The following GRIK3 variants were observed in gnomAD, a reference collection of about 807,000 sequenced individuals.
GRIK3 encodes the protein glutamate ionotropic receptor kainate type subunit 3, also known as glutamate receptor ionotropic, kainate 3.
In GRIK3, 29 loss-of-function variants were observed where a neutral mutation model predicts 102.5. That is an observed-to-expected ratio of 0.28 (90% CI 0.21 to 0.39). The LOEUF (loss-of-function observed/expected upper bound fraction) is 0.39. Ranked by LOEUF, GRIK3 falls within the 10% of genes least tolerant of loss-of-function variation. The probability of loss-of-function intolerance (pLI) is 1.00; values close to 1 mark genes in which losing one functional copy is unlikely to be tolerated. For missense variants in GRIK3, 908 were observed against 1,252.4 expected, an observed-to-expected ratio of 0.73 and a Z score of 4.15; for synonymous variants, 511 against 504.9, an observed-to-expected ratio of 1.01 and a Z score of -0.16.
chr1:36,966,611 T>A (rs1178198798), intron 1 of GRIK3, among the ~76,000 whole-genome samples: 5 of 152,150 alleles, frequency 3.3e-5, no homozygotes, highest in Non-Finnish European at 5.9e-5. Flanking sequence ...CTAATCTTTG[T>A]GGATCCATGT....
chr1:36,965,171 G>A (rs777891632), intron 1 of GRIK3, among the ~76,000 whole-genome samples: 7 of 152,090 alleles, frequency 4.6e-5, no homozygotes, highest in African/African-American at 9.7e-5. Flanking sequence ...CTATTTCCTC[G>A]CCTGTCAAAT....
At chr1:36,884,311 C>T (rs1306318623) in intron 2 of GRIK3, among the ~76,000 whole-genome samples, 3 of 152,180 alleles carry the variant, frequency 2.0e-5, no homozygotes, top group Non-Finnish European at 4.4e-5. Context: ...AAAACAGGAA[C>T]TCTGGGTTTG....
At chr1:36,961,003 T>G (rs958955609) in intron 1 of GRIK3, among the ~76,000 whole-genome samples, 1 of 152,210 alleles carries the variant, frequency 6.6e-6, no homozygotes, top group Non-Finnish European at 1.5e-5. Flanking sequence ...CAGTGGTCAT[T>G]CCACTGCTAA....
At chr1:36,818,100 A>G (rs1409445126) in intron 12 of GRIK3, among the ~76,000 whole-genome samples, 1 of 152,144 alleles carries the variant, frequency 6.6e-6, no homozygotes, top group Non-Finnish European at 1.5e-5. Context: ...CAATCTGAAA[A>G]CCGTCTGCTT....
chr1:36,855,845 T>C (rs1353932651), intron 7 of GRIK3, among the ~76,000 whole-genome samples: 1 of 152,228 alleles, frequency 6.6e-6, no homozygotes, highest in African/African-American at 2.4e-5. Flanking sequence ...CATGAGCGCA[T>C]TCAGTCCTCA....
At chr1:36,823,200 G>A (rs1311422843) in intron 11 of GRIK3, among the ~76,000 whole-genome samples, 2 of 152,156 alleles carry the variant, frequency 1.3e-5, no homozygotes, top group South Asian at 2.1e-4. Flanking sequence ...ACGGCCAGGC[G>A]TGATGGCTCA....
chr1:36,872,292 C>A lies in GRIK3; in HGVS notation c.628G>T (p.Asp210Tyr), dbSNP rs748771491. ...IRLKIRQLPI[D>Y]SDDSRPLLKE... Reference sequence around the variant, plus strand: ...AGCAAGGGGCGCGAGTCGTCAGAGTCGATGGGGAGCTGACGGATCTTCAGG... The same window carrying A: ...AGCAAGGGGCGCGAGTCGTCAGAGTAGATGGGGAGCTGACGGATCTTCAGG... Residue 210 changes from aspartate to tyrosine, a missense_variant, in exon 4 of 16, where the codon GAC (aspartate) becomes TAC (tyrosine). Asp to Tyr is a radical substitution (Grantham distance 160). Transcript: ENST00000373091. This position sits in a 1 kb window ranked among gnomAD's most constrained non-coding sequence, Gnocchi z 5.9. The A allele has an allele frequency of 6.2e-7, 1 of 1,612,974 alleles. No homozygotes were observed. Among genetic ancestry groups the A allele is most frequent in the East Asian group, 2.2e-5 (1 of 44,798 alleles).
At chr1:37,011,474 C>A (rs1269439721) in intron 1 of GRIK3, among the ~76,000 whole-genome samples, 1 of 152,160 alleles carries the variant, frequency 6.6e-6, no homozygotes, top group Non-Finnish European at 1.5e-5. Context: ...AAATGCTTTT[C>A]TAGTCATTTT....
At chr1:36,861,148 C>T (rs1640719455) in intron 5 of GRIK3, among the ~76,000 whole-genome samples, 1 of 152,232 alleles carries the variant, frequency 6.6e-6, no homozygotes, top group Admixed American at 6.5e-5. Context: ...TCCTCAAATG[C>T]TCCTTGAGTC....
chr1:36,867,827 C>T (rs1640802405), intron 5 of GRIK3, among the ~76,000 whole-genome samples: 2 of 152,170 alleles, frequency 1.3e-5, no homozygotes, highest in Non-Finnish European at 2.9e-5. Flanking sequence ...TGCTCCAAGT[C>T]CCAGCCGTAA....
intron 1 of GRIK3, among the ~76,000 whole-genome samples, chr1:37,030,445 A>T (rs821254): frequency 0.076 from 11,548 of 150,972 alleles, 619 homozygotes; most frequent in South Asian, 0.2. Context: ...GGGCCCCTGT[A>T]TATTCAGGAA....
At chr1:36,941,729 C>T (rs1364028678) in intron 1 of GRIK3, among the ~76,000 whole-genome samples, 2 of 152,214 alleles carry the variant, frequency 1.3e-5, no homozygotes, top group African/African-American at 2.4e-5. Context: ...TTCACAACTG[C>T]CCTGCAAAAT....
chr1:36,832,405 CG>C lies in GRIK3; in HGVS notation c.1531-6580del, dbSNP rs531744870. 3.6e-4 allele frequency among the ~76,000 whole-genome samples: 55 copies of C among 152,314 alleles called. No homozygotes were observed. The South Asian group carries it at 0.011, about 30-fold the overall frequency. On this transcript the variant is annotated intron_variant, in intron 10 of 15. Transcript: ENST00000373091. ...ACAAGAGGATAAAGCAAGTCACAGACGGTGTCTGCTGCTGAGCCACAGCCTC... is the reference window on the plus strand; with the variant it reads ...ACAAGAGGATAAAGCAAGTCACAGACGTGTCTGCTGCTGAGCCACAGCCTC...
chr1:36,905,906 T>C (rs1427665514), intron 1 of GRIK3, among the ~76,000 whole-genome samples: 1 of 152,174 alleles, frequency 6.6e-6, no homozygotes, highest in Admixed American at 6.5e-5. Flanking sequence ...GCCATCTCCA[T>C]AGGGCTTCAC....
chr1:37,016,478 T>C (rs1642653886), intron 1 of GRIK3, among the ~76,000 whole-genome samples: 1 of 152,196 alleles, frequency 6.6e-6, no homozygotes, highest in African/African-American at 2.4e-5. Context: ...TCTTTGCCCA[T>C]GTGGTAGGTC....
rs764983669 is a variant in GRIK3 at position 36,801,842 on chromosome 1, C to T, written c.*9G>A. The T allele has an allele frequency of 6.3e-7, 1 of 1,589,622 alleles. No homozygotes were observed. The highest frequency in any genetic ancestry group is 1.3e-5 in the African/African-American group (1 of 74,652). ...GCCCCCAGGCCTGAGGTCCCCACCC[C>T]AGCTGTGCCTAGGGGAACACAGGGG... On this transcript the variant is annotated 3_prime_UTR_variant, in exon 16 of 16. Transcript: ENST00000373091.
Position 36,962,943 on chromosome 1 carries a change from GA to G in GRIK3, c.115+71050del, listed in dbSNP as rs757938967. On this transcript the variant is annotated intron_variant, in intron 1 of 15. Coordinates refer to ENST00000373091, the MANE Select transcript of GRIK3 (RefSeq NM_000831.4). ...AGAGAAAAATCTAGAGGGACATGATGAGGAGAGAGATGACCTGGGGTGGGTA... is the reference window on the plus strand; with the variant it reads ...AGAGAAAAATCTAGAGGGACATGATGGGAGAGAGATGACCTGGGGTGGGTA... Among the ~76,000 whole-genome samples the G allele has an allele frequency of 4.6e-5, 7 of 151,742 alleles. No homozygotes were observed. In the East Asian group the frequency reaches 9.7e-4, roughly 21 times the overall value.
chr1:37,030,526 CT>C (rs775081839), intron 1 of GRIK3, among the ~76,000 whole-genome samples: 7,216 of 131,052 alleles, frequency 0.055, 250 homozygotes, highest in South Asian at 0.11. Flanking sequence ...CCAACCCTTC[CT>C]TTTCCCCACC....
chr1:36,859,071 G>A (rs773155518), intron 7 of GRIK3, 37 bp downstream of exon 7: 35 of 1,542,288 alleles, frequency 2.3e-5, no homozygotes, highest in Middle Eastern at 3.4e-4. Flanking sequence ...CCACAGTCCC[G>A]GGGAGACAAC....
Sources: gnomAD v4.1 joint callset for allele counts (sites outside exome capture counted in the v4.1 genomes callset) on GRCh38, gnomAD v4.1.1 for gene constraint, Gnocchi (gnomAD v3.1) non-coding constraint, MANE v1.5 for transcripts, NCBI Gene and HGNC (gene_info 2026-07-23, HGNC 2026-07-21) for gene names.